The following STRN variants were observed in gnomAD, a reference collection of about 807,000 sequenced individuals.
The protein encoded by STRN is striatin, also known as protein phosphatase 2 regulatory subunit B'''alpha.
A neutral mutation model predicts 96.3 loss-of-function variants in STRN; 53 were observed. The observed-to-expected ratio is 0.55, with a 90% confidence interval of 0.44 to 0.69. The LOEUF (loss-of-function observed/expected upper bound fraction) is 0.69, where lower values mean the gene tolerates loss of function less well. Ranked by LOEUF, STRN falls within the 30% of genes least tolerant of loss-of-function variation. The probability of loss-of-function intolerance (pLI) is 0.00; values close to 1 mark genes in which losing one functional copy is unlikely to be tolerated. For synonymous variants in STRN, 428 were observed against 355.9 expected (o/e 1.20, Z -2.28); for missense variants, 987 against 963.9 (o/e 1.02, Z -0.32).
intron 2 of STRN, among the ~76,000 whole-genome samples, chr2:36,920,638 CAAA>C (rs1312882065): frequency 3.2e-5 from 2 of 62,110 alleles, no homozygotes; most frequent in Non-Finnish European, 3.2e-5. Context: ...AACTCCGTCT[CAAA>C]AAAAAAAAAA....
At chr2:36,961,873 TGATATTCCTTA>T (rs908210861) in intron 1 of STRN, among the ~76,000 whole-genome samples, 2 of 152,208 alleles carry the variant, frequency 1.3e-5, no homozygotes, top group African/African-American at 4.8e-5. Flanking sequence ...TTTCCCTCCT[TGATATTCCTTA>T]AATATTCCAA....
At chr2:36,854,682 G>A (rs1344984308) in intron 15 of STRN, among the ~76,000 whole-genome samples, 4 of 152,150 alleles carry the variant, frequency 2.6e-5, no homozygotes, top group Admixed American at 2.6e-4. Flanking sequence ...TATGGCTAAC[G>A]ACAGAAAGCA....
At position 36,878,066 on chromosome 2, in the gene STRN, AAGG is replaced by A. The variant is rs753490890; in HGVS notation, c.1187-42_1187-40del. ...ACAAAGGAAACATTAAAAAATCTCTAAGGAGCCAACATTTAGTCTCATTTGCTT... is the reference window on the plus strand; with the variant it reads ...ACAAAGGAAACATTAAAAAATCTCTAAGCCAACATTTAGTCTCATTTGCTT... On this transcript the variant is annotated intron_variant, in intron 9 of 17. Transcript: ENST00000263918. 7.6e-5 allele frequency: 122 copies of A among 1,608,428 alleles called. No individual in the cohort carries two copies. The Admixed American group carries it at 2.0e-3, about 26-fold the overall frequency.
In STRN at chr2:36,847,057, C is replaced by T. The variant is rs1289571977; in HGVS notation, c.*2399G>A. 1 of 152,142 alleles carries T rather than the reference C, an allele frequency of 6.6e-6. No homozygotes were observed. Among genetic ancestry groups the T allele is most frequent in the Non-Finnish European group, 1.5e-5 (1 of 68,022 alleles). 9.4% of individuals were successfully genotyped at this position (152,142 alleles called of 1,614,324 possible). On this transcript the variant is annotated 3_prime_UTR_variant, in exon 18 of 18. Transcript: ENST00000263918. Reference sequence around the variant, plus strand: ...TGTATATGCTACTCTGGTTGGAAGACAGCTTTGGCTCATTTCTAGGCTGAG... The same window carrying T: ...TGTATATGCTACTCTGGTTGGAAGATAGCTTTGGCTCATTTCTAGGCTGAG...
At position 36,902,475 on chromosome 2, in the gene STRN, A is replaced by ATAAT. The variant is rs10669391; in HGVS notation, c.659+108_659+109insATTA. 0.99 allele frequency: 726,783 copies of ATAAT among 737,004 alleles called. 359,077 individuals carry two copies. The highest frequency in any genetic ancestry group is 1 in the East Asian group (31,440 of 31,440). 45.7% of individuals were successfully genotyped at this position (737,004 alleles called of 1,614,324 possible). ...AAAATGTTAGAATTTTTATTAAGTTATAAATTATTTCTATGTCACTACCTA... is the reference window on the plus strand; with the variant it reads ...AAAATGTTAGAATTTTTATTAAGTTATAATTAAATTATTTCTATGTCACTACCTA... On this transcript the variant is annotated intron_variant, in intron 5 of 17. Transcript: ENST00000263918.
chr2:36,945,751 G>T (rs1025626459), intron 1 of STRN, among the ~76,000 whole-genome samples: 12 of 151,980 alleles, frequency 7.9e-5, no homozygotes, highest in Admixed American at 2.6e-4. Flanking sequence ...AATACTACAG[G>T]ACCAACTTGA....
intron 15 of STRN, among the ~76,000 whole-genome samples, chr2:36,853,399 G>A (rs1040986422): frequency 1.3e-5 from 2 of 152,148 alleles, no homozygotes; most frequent in African/African-American, 4.8e-5. Context: ...TGAGAGAGAC[G>A]TTTCAGAGAA....
intron 12 of STRN, among the ~76,000 whole-genome samples, chr2:36,863,933 G>A (rs767832193): frequency 6.6e-6 from 1 of 152,242 alleles, no homozygotes; most frequent in Non-Finnish European, 1.5e-5. Flanking sequence ...AAATGAGACT[G>A]CATTCTTGAT....
At chr2:36,904,581 C>T (rs1669769061) in intron 4 of STRN, among the ~76,000 whole-genome samples, 1 of 152,180 alleles carries the variant, frequency 6.6e-6, no homozygotes, top group Non-Finnish European at 1.5e-5. Context: ...AATCCCAGCA[C>T]TTTGGGAGGC....
At chr2:36,879,776 G>A (rs1038020156) in intron 9 of STRN, among the ~76,000 whole-genome samples, 3 of 152,090 alleles carry the variant, frequency 2.0e-5, no homozygotes, top group Non-Finnish European at 4.4e-5. Flanking sequence ...ACTAGTGCAC[G>A]TACAAGACAT....
At chr2:36,913,597 T>A (rs1333157311) in intron 3 of STRN, among the ~76,000 whole-genome samples, 1 of 152,238 alleles carries the variant, frequency 6.6e-6, no homozygotes, top group East Asian at 1.9e-4. Context: ...TATGTCATTG[T>A]AATCACTTCT....
rs377519856 is a variant in STRN, at chr2:36,855,403, A to T, written c.1838-51T>A. ...ATGGCAATTAAACCATCTACTTGACAATCTGCTTAAAATAGAGCAAAACAA... is the reference window on the plus strand; with the variant it reads ...ATGGCAATTAAACCATCTACTTGACTATCTGCTTAAAATAGAGCAAAACAA... On this transcript the variant is annotated intron_variant, in intron 14 of 17. Transcript: ENST00000263918. The T allele has an allele frequency of 3.1e-6, 5 of 1,597,006 alleles. No homozygotes were observed. In the African/African-American group the frequency reaches 6.7e-5, roughly 22 times the overall value.
In STRN at chr2:36,966,532, GCCT is replaced by G. The variant is rs1553408653; in HGVS notation, c.-72_-70del. ...GGAGGCAACAGCGGCGGCAAGCAGC[GCCT>G]CCTCCTCCCTCCGCCGCTCCCGCCC... On this transcript the variant is annotated 5_prime_UTR_variant, in exon 1 of 18. Transcript: ENST00000263918. The G allele has an allele frequency of 8.1e-6, 11 of 1,353,564 alleles. No homozygotes were observed. The highest frequency in any genetic ancestry group is 1.0e-5 in the Non-Finnish European group (11 of 1,057,400). The allele number at this position is 1,353,564 out of a possible 1,614,324, so 83.8% of individuals were successfully genotyped here.
intron 1 of STRN, among the ~76,000 whole-genome samples, chr2:36,952,351 C>T (rs1395984148): frequency 6.7e-6 from 1 of 150,112 alleles, no homozygotes; most frequent in African/African-American, 2.5e-5. Flanking sequence ...ACAGGTTTCC[C>T]AGAATTAATG....
intron 9 of STRN, among the ~76,000 whole-genome samples, chr2:36,880,518 G>C (rs1669042205): frequency 6.6e-6 from 1 of 152,120 alleles, no homozygotes; most frequent in African/African-American, 2.4e-5. Flanking sequence ...GAACAAAATA[G>C]AGCATAAATT....
intron 10 of STRN, among the ~76,000 whole-genome samples, chr2:36,874,429 C>T (rs1347005462): frequency 6.6e-6 from 1 of 151,920 alleles, no homozygotes; most frequent in Admixed American, 6.6e-5. Flanking sequence ...GTATAACACA[C>T]ATATAACTAT....
chr2:36,881,035 C>G (rs1467931707), intron 9 of STRN, among the ~76,000 whole-genome samples: 1 of 150,828 alleles, frequency 6.6e-6, no homozygotes, highest in East Asian at 1.9e-4. Flanking sequence ...CATCTGGCAA[C>G]TAAACCTTCC....
Position 36,876,751 on chromosome 2 carries a change from ATT to A in STRN, c.1323+1138_1323+1139del, listed in dbSNP as rs70946956. 6.7e-3 allele frequency among the ~76,000 whole-genome samples: 967 copies of A among 143,410 alleles called. 5 individuals are homozygous for A. Among genetic ancestry groups the A allele is most frequent in the African/African-American group, 0.018 (698 of 39,404 alleles). The allele number at this position is 143,410 out of a possible 152,430, so 94.1% of individuals were successfully genotyped here. A position where few individuals can be genotyped will look rare whatever the true frequency, so the allele number is the denominator to read the frequency against. ...TTTATTGTGATGAGCAATTATAAACATTTTTTTTTTTTTTGAGGCGGAGTCTT... is the reference window on the plus strand; with the variant it reads ...TTTATTGTGATGAGCAATTATAAACATTTTTTTTTTTTGAGGCGGAGTCTT... On this transcript the variant is annotated intron_variant, in intron 10 of 17. Transcript: ENST00000263918.
intron 1 of STRN, among the ~76,000 whole-genome samples, chr2:36,946,155 A>G (rs1309496142): frequency 6.7e-6 from 1 of 150,240 alleles, no homozygotes; most frequent in African/African-American, 2.5e-5. Context: ...TTCTACCTAA[A>G]TATTTCCAGT....
Sources: allele counts gnomAD v4.1 joint callset (sites outside exome capture counted in the v4.1 genomes callset), GRCh38; gene constraint gnomAD v4.1.1; transcripts MANE v1.5; gene names NCBI Gene and HGNC (gene_info 2026-07-23, HGNC 2026-07-21).